The following NMNAT3 variants were observed in gnomAD, a reference collection of about 807,000 sequenced individuals.
NMNAT3 encodes the protein nicotinamide nucleotide adenylyltransferase 3, also known as nicotinamide/nicotinic acid mononucleotide adenylyltransferase 3.
In NMNAT3, 21 loss-of-function variants were observed where a neutral mutation model predicts 24.8. The observed-to-expected ratio is 0.85, with a 90% confidence interval of 0.60 to 1.22. NMNAT3 has a LOEUF of 1.22. Ranked by LOEUF, NMNAT3 falls within the 50% of genes most tolerant of loss-of-function variation. The pLI is 0.00. For missense variants in NMNAT3, 387 were observed against 436.6 expected (o/e 0.89, Z 1.01); for synonymous variants, 136 against 155.2 (o/e 0.88, Z 0.92).
chr3:139,645,023 GA>G (rs1261492243), intron 1 of NMNAT3, among the ~76,000 whole-genome samples: 1 of 152,102 alleles, frequency 6.6e-6, no homozygotes, highest in African/African-American at 2.4e-5. Context: ...ACAAAATGGT[GA>G]GACCTCATCT....
intron 3 of NMNAT3, among the ~76,000 whole-genome samples, chr3:139,594,670 G>A (rs372481514): frequency 2.0e-5 from 3 of 152,228 alleles, no homozygotes; most frequent in South Asian, 4.1e-4. Context: ...ACGCAAATCA[G>A]TAAATGTAAT....
In NMNAT3 at chr3:139,571,959, C is replaced by A. The variant is rs1036281908; in HGVS notation, c.658+1639G>T. On this transcript the variant is annotated intron_variant, in intron 6 of 6. Transcript: ENST00000643695. ...TGCCCTAGTGGCATGGAGTGCCTCA[C>A]ACTTATGCTATCTCCTGCCCTTGTG... The A allele has an allele frequency of 1.3e-5, 5 of 394,774 alleles. No homozygotes were observed. The East Asian group carries it at 1.8e-4, about 14-fold the overall frequency. 24.5% of individuals were successfully genotyped at this position (394,774 alleles called of 1,614,324 possible). A position where few individuals can be genotyped will look rare whatever the true frequency, so the allele number is the denominator to read the frequency against.
intron 2 of NMNAT3, among the ~76,000 whole-genome samples, chr3:139,628,329 ACT>A (rs1404331542): frequency 6.6e-6 from 1 of 152,100 alleles, no homozygotes; most frequent in Non-Finnish European, 1.5e-5. Flanking sequence ...TTGCTTTATC[ACT>A]CTCTTTCCAC....
chr3:139,658,082 G>A lies in NMNAT3; in HGVS notation c.-141+19623C>T, dbSNP rs974516421. On this transcript the variant is annotated intron_variant, in intron 1 of 6. Coordinates refer to ENST00000643695, the MANE Select transcript of NMNAT3 (RefSeq NM_001320510.2). ...GTAGCCAGTGGACATCAGGGGTGGC[G>A]TGTTTTGGGGTTCTGCTGGTTGAAG... 7.2e-5 allele frequency among the ~76,000 whole-genome samples: 11 copies of A among 152,162 alleles called. No individual in the cohort carries two copies. The South Asian group carries it at 1.9e-3, about 26-fold the overall frequency.
intron 3 of NMNAT3, among the ~76,000 whole-genome samples, chr3:139,589,493 A>C (rs2054076779): frequency 1.3e-5 from 2 of 152,244 alleles, no homozygotes; most frequent in African/African-American, 4.8e-5. Flanking sequence ...TGGATTTCTC[A>C]ACAGCAAGTC....
At chr3:139,659,024 ACTGT>A (rs2057334115) in intron 1 of NMNAT3, among the ~76,000 whole-genome samples, 1 of 151,966 alleles carries the variant, frequency 6.6e-6, no homozygotes, top group African/African-American at 2.4e-5. Context: ...ATAGAATCAC[ACTGT>A]CTGGTCTTCT....
chr3:139,677,940 C>A lies in NMNAT3; in HGVS notation c.-376G>T, dbSNP rs2057987994. On this transcript the variant is annotated 5_prime_UTR_variant, in exon 1 of 7. Transcript: ENST00000643695. ...CGGGGCCAAGGCGAACTTGACCTTG[C>A]GCTCCCTTAGCGGCCCCGGGCAGAT... is the stretch of plus-strand genomic sequence containing the variant. 1 of 152,190 alleles carries A rather than the reference C, an allele frequency of 6.6e-6. No homozygotes were observed. The highest frequency in any genetic ancestry group is 1.5e-5 in the Non-Finnish European group (1 of 68,142). The allele number at this position is 152,190 out of a possible 1,614,324, so 9.4% of individuals were successfully genotyped here.
At chr3:139,625,641 C>A (rs1025769233) in intron 3 of NMNAT3, among the ~76,000 whole-genome samples, 1 of 152,052 alleles carries the variant, frequency 6.6e-6, no homozygotes, top group Admixed American at 6.6e-5. Flanking sequence ...GGTTATAAAT[C>A]CCACAATGTA....
intron 6 of NMNAT3, chr3:139,572,265 G>A (rs1303470810): frequency 1.0e-5 from 4 of 398,600 alleles, no homozygotes; most frequent in East Asian, 7.1e-5. Flanking sequence ...AGAAAGAAGG[G>A]AGAGGCTGAT....
At chr3:139,564,392 G>A (rs1463810705) in intron 6 of NMNAT3, among the ~76,000 whole-genome samples, 1 of 152,120 alleles carries the variant, frequency 6.6e-6, no homozygotes, top group Admixed American at 6.6e-5. Flanking sequence ...AGTATAAAAC[G>A]GAAACAGATA....
At chr3:139,669,980 AC>A (rs1330712666) in intron 1 of NMNAT3, among the ~76,000 whole-genome samples, 4 of 152,222 alleles carry the variant, frequency 2.6e-5, no homozygotes, top group African/African-American at 9.6e-5. Context: ...GCATTCTGCC[AC>A]TAAAATCAAA....
intron 3 of NMNAT3, among the ~76,000 whole-genome samples, chr3:139,596,235 A>G (rs1393201828): frequency 6.6e-6 from 1 of 152,142 alleles, no homozygotes; most frequent in Non-Finnish European, 1.5e-5. Context: ...TTGCTCACGG[A>G]GAAAGGATAA....
At position 139,578,995 on chromosome 3, in the gene NMNAT3, T is replaced by C; in HGVS notation, c.452A>G (p.Asp151Gly). 6.2e-7 allele frequency: 1 copy of C among 1,614,094 alleles called. No homozygotes were observed. Among genetic ancestry groups the C allele is most frequent in the Non-Finnish European group, 8.5e-7 (1 of 1,180,006 alleles). The change falls in exon 5 of 7, where the codon GAC becomes GGC. Residue 151 changes from aspartate to glycine, a missense_variant. Physicochemically the swap from Asp to Gly is moderately conservative, Grantham distance 94. Around this residue, in one of 3 missense-constraint regions of NMNAT3, gnomAD observed 323 missense variants for 345.2 expected, o/e 0.94. Coordinates refer to ENST00000643695, the MANE Select transcript of NMNAT3 (RefSeq NM_001320510.2). ...CACTCGGTGATGAGAAGCTGCGAGGTCTTTCTTCCCATAGGTGTCGTTGAC... is the reference window on the plus strand; with the variant it reads ...CACTCGGTGATGAGAAGCTGCGAGGCCTTTCTTCCCATAGGTGTCGTTGAC...
chr3:139,596,949 TATATATATATATA>T (rs1559891161), intron 3 of NMNAT3, among the ~76,000 whole-genome samples: 1,730 of 116,628 alleles, frequency 0.015, 60 homozygotes, highest in African/African-American at 0.066. Context: ...TATATATATA[TATATATATATATA>T]TATTTTTATT....
At chr3:139,635,861 G>C (rs1361120461) in intron 2 of NMNAT3, 1 of 152,192 alleles carries the variant, frequency 6.6e-6, no homozygotes, top group South Asian at 2.1e-4. Flanking sequence ...CTAAGGTCTG[G>C]CCAGTGATCT....
chr3:139,561,437 T>G (rs1187290458), intron 6 of NMNAT3, 45 bp from the exon 7 acceptor site: 1 of 1,568,770 alleles, frequency 6.4e-7, no homozygotes, highest in East Asian at 2.3e-5. Context: ...GAGAGGTCAC[T>G]GCCAGGAAAG....
chr3:139,666,289 G>A (rs1349603670), intron 1 of NMNAT3, among the ~76,000 whole-genome samples: 1 of 152,116 alleles, frequency 6.6e-6, no homozygotes, highest in Admixed American at 6.5e-5. Flanking sequence ...ACCATAAGAG[G>A]TGACTCAGCT....
chr3:139,613,085 A>T (rs1047660109), intron 3 of NMNAT3, among the ~76,000 whole-genome samples: 7 of 152,208 alleles, frequency 4.6e-5, no homozygotes, highest in Non-Finnish European at 7.4e-5. Flanking sequence ...CAAGGACTTC[A>T]TGTCTAAAAC....
At chr3:139,588,405 TAATAAAGGAATA>T (rs1452190375) in intron 3 of NMNAT3, among the ~76,000 whole-genome samples, 1 of 152,064 alleles carries the variant, frequency 6.6e-6, no homozygotes, top group Non-Finnish European at 1.5e-5. Context: ...AAGAAAATGA[TAATAAAGGAATA>T]AATAAAGTAT....
Sources: allele counts gnomAD v4.1 joint callset (sites outside exome capture counted in the v4.1 genomes callset), GRCh38; gene constraint gnomAD v4.1.1; regional missense constraint gnomAD v4.1.1; transcripts MANE v1.5; gene names NCBI Gene and HGNC (gene_info 2026-07-23, HGNC 2026-07-21).